The following FAM193A variants were observed in gnomAD, a reference collection of about 807,000 sequenced individuals.
FAM193A encodes the protein family with sequence similarity 193 member A.
Under a neutral mutation model 126.5 loss-of-function variants are expected in FAM193A, and 22 were observed. The observed-to-expected ratio is 0.17, with a 90% CI of 0.12 to 0.25. The LOEUF (loss-of-function observed/expected upper bound fraction) is 0.25, where lower values mean the gene tolerates loss of function less well. FAM193A is among the 10% of genes least tolerant of loss of function. The pLI is 1.00. For synonymous variants in FAM193A, 761 were observed against 646.8 expected, an observed-to-expected ratio of 1.18 and a Z score of -2.68; for missense variants, 1,675 against 1,672.8, an observed-to-expected ratio of 1.00 and a Z score of -0.02.
At chr4:2,672,479 A>G (rs1713933529) in intron 13 of FAM193A, 107 bp downstream of exon 13, 1 of 1,232,678 alleles carries the variant, frequency 8.1e-7, no homozygotes, top group Admixed American at 2.1e-5. Context: ...ATAGGATAGC[A>G]TCTGCTCTGG....
At chr4:2,580,311 A>G (rs570936696) in intron 1 of FAM193A, among the ~76,000 whole-genome samples, 2 of 152,146 alleles carry the variant, frequency 1.3e-5, no homozygotes, top group Non-Finnish European at 2.9e-5. Flanking sequence ...GGAACAACAT[A>G]CACTGTGGCC....
chr4:2,616,118 T>C (rs2108954254), intron 2 of FAM193A, among the ~76,000 whole-genome samples: 1 of 152,358 alleles, frequency 6.6e-6, no homozygotes, highest in South Asian at 2.1e-4. Context: ...TAAATGTAAC[T>C]ATGGATTGGT....
At chr4:2,660,993 T>C (rs555077785) in intron 10 of FAM193A, among the ~76,000 whole-genome samples, 11 of 152,354 alleles carry the variant, frequency 7.2e-5, no homozygotes, top group Non-Finnish European at 1.5e-4. Flanking sequence ...CTGGCTGTTA[T>C]CCAACTTCTT....
chr4:2,623,456 C>A (rs959648800), intron 2 of FAM193A, among the ~76,000 whole-genome samples: 10 of 152,204 alleles, frequency 6.6e-5, no homozygotes, highest in African/African-American at 2.4e-4. Flanking sequence ...AGGCGTGAGC[C>A]ACCGCGCCTG....
chr4:2,707,574 A>G (rs1368966461), intron 19 of FAM193A, among the ~76,000 whole-genome samples: 1 of 152,164 alleles, frequency 6.6e-6, no homozygotes, highest in Non-Finnish European at 1.5e-5. Context: ...TTACATGTTT[A>G]AATCATAATA....
At chr4:2,629,881 C>G (rs1313292442) in intron 4 of FAM193A, among the ~76,000 whole-genome samples, 1 of 152,096 alleles carries the variant, frequency 6.6e-6, no homozygotes, top group East Asian at 1.9e-4. Flanking sequence ...CCTGTAAGTC[C>G]CAGTACTTTG....
rs772020128 is a variant in FAM193A, at chr4:2,672,248, C to T, written c.2207C>T (p.Thr736Ile). The change falls in exon 13 of 21, where the codon ACA (threonine) becomes ATA (isoleucine). Residue 736 changes from threonine to isoleucine, a missense_variant. Thr to Ile is a moderately conservative substitution (Grantham distance 89). Transcript: ENST00000637812. ...GHQFLSPEKP[T>I]HPALHLYPHI... is the part of the protein sequence containing the mutation. ...CAGTTCTTGAGCCCAGAGAAGCCCA[C>T]ACACCCTGCACTGCACCTTTACCCT... 1.5e-5 allele frequency: 24 copies of T among 1,614,122 alleles called. No individual in the cohort carries two copies. The highest frequency in any genetic ancestry group is 2.2e-5 in the East Asian group (1 of 44,890).
At chr4:2,571,663 C>T in intron 1 of FAM193A, among the ~76,000 whole-genome samples, 1 of 151,736 alleles carries the variant, frequency 6.6e-6, no homozygotes, top group Non-Finnish European at 1.5e-5. Context: ...ACCTCAGCTT[C>T]CCAAGTAGCG....
At chr4:2,686,262 G>A (rs540735557) in intron 13 of FAM193A, among the ~76,000 whole-genome samples, 21 of 152,260 alleles carry the variant, frequency 1.4e-4, no homozygotes, top group South Asian at 1.2e-3. Context: ...AATCAAATGC[G>A]TAGAATCATT....
At chr4:2,655,263 T>C in intron 7 of FAM193A, 2 of 466,466 alleles carry the variant, frequency 4.3e-6, no homozygotes, top group Non-Finnish European at 3.8e-6. Flanking sequence ...GATGTCAAAA[T>C]TGATGGTATG....
At chr4:2,725,725 T>A (rs1720669541) in intron 20 of FAM193A, among the ~76,000 whole-genome samples, 1 of 151,714 alleles carries the variant, frequency 6.6e-6, no homozygotes, top group African/African-American at 2.4e-5. Context: ...TTTTTTTTTT[T>A]TTTAAGGCAA....
Position 2,700,465 on chromosome 4 carries a change from G to A in FAM193A, c.4293G>A (p.Val1431=). 1 of 1,614,150 alleles carries A rather than the reference G, an allele frequency of 6.2e-7. No homozygotes were observed. The highest frequency in any genetic ancestry group is 8.5e-7 in the Non-Finnish European group (1 of 1,179,980). ...PGEHQQNSKL[V]LAESPQPKGK... is the part of the protein sequence containing the mutation. ...AGCATCAGCAGAACAGCAAGCTGGT[G>A]CTGGCAGAGTCCCCTCAGCCAAAGG... is the stretch of plus-strand genomic sequence containing the variant. The change falls in exon 19 of 21, where the codon GTG becomes GTA. Residue 1431 remains valine (V), a synonymous_variant. Coordinates refer to ENST00000637812, the MANE Select transcript of FAM193A (RefSeq NM_001366318.2).
chr4:2,714,754 A>G lies in FAM193A; in HGVS notation c.4373-1269A>G, dbSNP rs1042279453. Among the ~76,000 whole-genome samples, 16 of 152,260 alleles carry G rather than the reference A, an allele frequency of 1.1e-4. No individual in the cohort carries two copies. In the East Asian group the frequency reaches 3.1e-3, roughly 29 times the overall value. ...GCTACCATGGAAATTCCCCAGTGGT[A>G]GAAAGAAATGGAGTGTTTATTAAAG... On this transcript the variant is annotated intron_variant, in intron 19 of 20. Coordinates refer to ENST00000637812, the MANE Select transcript of FAM193A (RefSeq NM_001366318.2).
intron 16 of FAM193A, 119 bp downstream of exon 16, chr4:2,693,993 G>C: frequency 9.1e-7 from 1 of 1,093,598 alleles, no homozygotes; most frequent in Non-Finnish European, 1.3e-6. Context: ...GTGAAATGCC[G>C]AGGGAATGCA....
intron 1 of FAM193A, among the ~76,000 whole-genome samples, chr4:2,570,859 A>G (rs2108858292): frequency 6.6e-6 from 1 of 152,304 alleles, no homozygotes; most frequent in Non-Finnish European, 1.5e-5. Context: ...GGCCTTACTC[A>G]GGTGGTCATG....
intron 5 of FAM193A, among the ~76,000 whole-genome samples, chr4:2,635,999 A>C (rs192781705): frequency 1.3e-4 from 19 of 142,850 alleles, no homozygotes; most frequent in African/African-American, 5.5e-4. Context: ...AAAAAGGACG[A>C]ATTTTTTTTT....
intron 1 of FAM193A, among the ~76,000 whole-genome samples, chr4:2,549,891 C>G (rs1222647571): frequency 6.6e-6 from 1 of 151,272 alleles, no homozygotes; most frequent in African/African-American, 2.4e-5. Flanking sequence ...CTGCACCTGG[C>G]TAATTTTTTG....
rs149466522 is a variant in FAM193A, at chr4:2,700,354, C to T, written c.4182C>T (p.Asn1394=). 4 of 1,614,052 alleles carry T rather than the reference C, an allele frequency of 2.5e-6. No individual in the cohort carries two copies. The highest frequency in any genetic ancestry group is 3.4e-6 in the Non-Finnish European group (4 of 1,180,014). Residue 1394 remains asparagine, a synonymous_variant, in exon 19 of 21, where the codon AAC becomes AAT. Transcript: ENST00000637812. Reference sequence around the variant, plus strand: ...AGAAAAGAGAGGAGAGAAAAGTCAACAGTAATAACAATAACAAAAAGCAGC... The same window carrying T: ...AGAAAAGAGAGGAGAGAAAAGTCAATAGTAATAACAATAACAAAAAGCAGC... ...TEQKREERKV[N]SNNNNKKQLN... is the part of the protein sequence containing the mutation.
chr4:2,698,748 C>A (rs1047392980), intron 18 of FAM193A, among the ~76,000 whole-genome samples: 8 of 152,212 alleles, frequency 5.3e-5, no homozygotes, highest in African/African-American at 1.9e-4. Flanking sequence ...ACACAAAGAA[C>A]AGTTTCCATT....
Sources: allele counts gnomAD v4.1 joint callset (sites outside exome capture counted in the v4.1 genomes callset), GRCh38; gene constraint gnomAD v4.1.1; transcripts MANE v1.5; gene names NCBI Gene and HGNC (gene_info 2026-07-23, HGNC 2026-07-21).